PLSCR4: variants seen among roughly 807,000 people sequenced by gnomAD.
The protein encoded by PLSCR4 is Ca(2+)-dependent phospholipid scramblase 4.
PLSCR4 carries 25 observed loss-of-function variants against 36.3 expected under a neutral mutation model. The ratio of observed to expected loss-of-function variants is 0.69; its 90% CI spans 0.50 to 0.96. PLSCR4 has a LOEUF of 0.96. Among genes scored for constraint, PLSCR4 ranks in the 40% least tolerant of loss-of-function variants. The pLI, the probability that PLSCR4 is intolerant of heterozygous loss-of-function variation, is 0.00. For synonymous variants in PLSCR4, 122 were observed against 132.9 expected, an observed-to-expected ratio of 0.92 and a Z score of 0.56; for missense variants, 408 against 414.7, an observed-to-expected ratio of 0.98 and a Z score of 0.14.
chr3:146,237,259 T>A (rs180786367), intron 1 of PLSCR4, among the ~76,000 whole-genome samples: 3 of 152,178 alleles, frequency 2.0e-5, no homozygotes, highest in Non-Finnish European at 4.4e-5. Flanking sequence ...GAAGAAAAAA[T>A]TAATCTATCA....
intron 1 of PLSCR4, among the ~76,000 whole-genome samples, chr3:146,236,396 G>A (rs1304359801): frequency 6.6e-6 from 1 of 152,188 alleles, no homozygotes; most frequent in African/African-American, 2.4e-5. Flanking sequence ...GAGGTTAACA[G>A]AATAGTTAAA....
intron 1 of PLSCR4, among the ~76,000 whole-genome samples, chr3:146,223,275 G>A (rs2035259195): frequency 6.6e-6 from 1 of 152,134 alleles, no homozygotes; most frequent in Admixed American, 6.5e-5. Flanking sequence ...TATTATTTGA[G>A]AAGGGAATTT....
intron 3 of PLSCR4, 70 bp downstream of exon 3, chr3:146,220,745 T>TA: frequency 1.0e-6 from 1 of 996,844 alleles, no homozygotes; most frequent in Non-Finnish European, 1.5e-6. Context: ...TTTGTTCGCT[T>TA]AAAAAGCAAT....
intron 8 of PLSCR4, 147 bp from the exon 9 acceptor site, chr3:146,194,602 T>C: frequency 1.8e-6 from 1 of 566,550 alleles, no homozygotes; most frequent in East Asian, 3.0e-5. Context: ...GCACCTACTG[T>C]GAAGAGCAGC....
chr3:146,242,710 C>G (rs532879539), intron 1 of PLSCR4, among the ~76,000 whole-genome samples: 1 of 152,252 alleles, frequency 6.6e-6, no homozygotes, highest in Admixed American at 6.5e-5. Flanking sequence ...AGACCCAGAA[C>G]CTGTGCTTTT....
chr3:146,233,164 A>T (rs547178635), intron 1 of PLSCR4, among the ~76,000 whole-genome samples: 66 of 152,210 alleles, frequency 4.3e-4, no homozygotes, highest in Middle Eastern at 3.4e-3. Context: ...TTTTGCATTT[A>T]TCTATATTAT....
intron 1 of PLSCR4, among the ~76,000 whole-genome samples, chr3:146,227,678 AGT>A (rs1320585416): frequency 6.6e-6 from 1 of 152,206 alleles, no homozygotes; most frequent in Non-Finnish European, 1.5e-5. Flanking sequence ...GGCTCTGGGC[AGT>A]GAGAATCTGC....
Position 146,201,037 on chromosome 3 carries a change from T to C in PLSCR4, c.395A>G (p.Glu132Gly). 6.4e-7 allele frequency: 1 copy of C among 1,558,196 alleles called. No homozygotes were observed. Among genetic ancestry groups the C allele is most frequent in the Non-Finnish European group, 8.6e-7 (1 of 1,157,088 alleles). ...IHVLQHFEPLEMMTCFETNNR... is the reference protein window; with the variant it reads ...IHVLQHFEPLGMMTCFETNNR... ...AGCACTACAAAAATTATACATACTT[T>C]CCAGAGGCTCAAAATGCTGAAGAAC... is the stretch of plus-strand genomic sequence containing the variant. The change falls in exon 5 of 9, where the codon GAA becomes GGA. Residue 132 changes from glutamate (E) to glycine (G), a missense_variant and splice_region_variant. Coordinates refer to ENST00000354952, the MANE Select transcript of PLSCR4 (RefSeq NM_020353.3).
At chr3:146,202,694 T>C (rs2034112566) in intron 4 of PLSCR4, among the ~76,000 whole-genome samples, 1 of 152,056 alleles carries the variant, frequency 6.6e-6, no homozygotes, top group East Asian at 1.9e-4. Flanking sequence ...TTTTAGTACT[T>C]TACCACAGTA....
intron 1 of PLSCR4, chr3:146,223,841 T>C (rs1454613153): frequency 8.0e-6 from 1 of 124,952 alleles, no homozygotes; most frequent in Non-Finnish European, 1.7e-5. Flanking sequence ...ATATATATTA[T>C]GTAAAAATGT....
chr3:146,232,841 T>C (rs757590572), intron 1 of PLSCR4, among the ~76,000 whole-genome samples: 1 of 152,148 alleles, frequency 6.6e-6, no homozygotes, highest in African/African-American at 2.4e-5. Context: ...TGTCTGCATA[T>C]AGTAGGTACC....
At chr3:146,201,156 G>A in intron 4 of PLSCR4, 79 bp from the exon 5 acceptor site, 2 of 875,634 alleles carry the variant, frequency 2.3e-6, no homozygotes, top group Non-Finnish European at 3.4e-6. Context: ...TGATGAAATA[G>A]ATATTAAAAT....
chr3:146,197,000 T>C (rs1240563555), intron 6 of PLSCR4, among the ~76,000 whole-genome samples: 1 of 152,184 alleles, frequency 6.6e-6, no homozygotes, highest in Non-Finnish European at 1.5e-5. Context: ...TGTTTGCCTC[T>C]GGGATAGACA....
chr3:146,224,534 G>T lies in PLSCR4; in HGVS notation c.-21-2442C>A, dbSNP rs60225679. 3.8e-4 allele frequency among the ~76,000 whole-genome samples: 57 copies of T among 149,182 alleles called. 5 individuals are homozygous for T. The South Asian group carries it at 8.9e-3, about 23-fold the overall frequency. On this transcript the variant is annotated intron_variant, in intron 1 of 8. Coordinates refer to ENST00000354952, the MANE Select transcript of PLSCR4 (RefSeq NM_020353.3). ...GGAGTTTCTTCCTTCTGGTGGGTTC[G>T]TGGTCTCGCTGGCTCAGGAGTGAAG... is the stretch of plus-strand genomic sequence containing the variant.
chr3:146,216,022 G>A (rs1043787916), intron 3 of PLSCR4, among the ~76,000 whole-genome samples: 5 of 152,172 alleles, frequency 3.3e-5, no homozygotes, highest in African/African-American at 4.8e-5. Flanking sequence ...CCTGAGGTCA[G>A]GAGTTTGAGA....
intron 1 of PLSCR4, among the ~76,000 whole-genome samples, chr3:146,250,098 T>G (rs568290072): frequency 2.6e-5 from 4 of 152,338 alleles, no homozygotes; most frequent in African/African-American, 9.6e-5. Context: ...CACTCGCCCA[T>G]AGAATTCACA....
intron 1 of PLSCR4, among the ~76,000 whole-genome samples, chr3:146,225,120 C>T (rs1462034362): frequency 6.6e-6 from 1 of 152,252 alleles, no homozygotes; most frequent in East Asian, 1.9e-4. Flanking sequence ...CAGCTAGATA[C>T]AGAGTGTCCA....
intron 1 of PLSCR4, among the ~76,000 whole-genome samples, chr3:146,225,198 G>A (rs1221722099): frequency 6.6e-6 from 1 of 152,098 alleles, no homozygotes; most frequent in African/African-American, 2.4e-5. Flanking sequence ...CCCTGAGCTA[G>A]ACATAAAGGT....
intron 8 of PLSCR4, 43 bp from the exon 9 acceptor site, chr3:146,194,498 A>C: frequency 8.6e-7 from 1 of 1,159,838 alleles, no homozygotes; most frequent in Non-Finnish European, 1.3e-6. Context: ...ATAGATAATT[A>C]GGTATAATGC....
Sources: gnomAD v4.1 joint callset for allele counts (sites outside exome capture counted in the v4.1 genomes callset) on GRCh38, gnomAD v4.1.1 for gene constraint, MANE v1.5 for transcripts, NCBI Gene and HGNC (gene_info 2026-07-23, HGNC 2026-07-21) for gene names.